Variants in NAV3 observed in about 807,000 individuals in gnomAD.
NAV3 encodes neuron navigator 3.
In NAV3, 87 loss-of-function variants were observed where a neutral mutation model predicts 244.7. That is an observed-to-expected ratio of 0.36 (90% CI 0.30 to 0.42). The LOEUF (loss-of-function observed/expected upper bound fraction) is 0.42, where lower values mean the gene tolerates loss of function less well. Among genes scored for constraint, NAV3 ranks in the 20% least tolerant of loss-of-function variants. The pLI, the probability that NAV3 is intolerant of heterozygous loss-of-function variation, is 1.00. For synonymous variants in NAV3, 1,126 were observed against 1,042.2 expected (o/e 1.08, Z -1.55); for missense variants, 2,663 against 2,893.3 (o/e 0.92, Z 1.83).
At chr12:77,799,490 T>C (rs1042121216) in intron 2 of NAV3, among the ~76,000 whole-genome samples, 1 of 152,198 alleles carries the variant, frequency 6.6e-6, no homozygotes, top group East Asian at 1.9e-4. Context: ...GTAGCTATGA[T>C]TGGTGATAAA....
At chr12:77,822,297 G>A (rs546690261) in intron 2 of NAV3, among the ~76,000 whole-genome samples, 9 of 152,220 alleles carry the variant, frequency 5.9e-5, no homozygotes, top group South Asian at 4.1e-4. Context: ...TTAAAAATCC[G>A]TTAGCTGTCT....
At chr12:77,748,568 G>A (rs576838100) in intron 2 of NAV3, among the ~76,000 whole-genome samples, 42 of 152,256 alleles carry the variant, frequency 2.8e-4, no homozygotes, top group Middle Eastern at 3.4e-3. Flanking sequence ...CCATGAATAA[G>A]AAAATCCTAA....
chr12:77,780,697 A>G (rs1870621751), intron 2 of NAV3, among the ~76,000 whole-genome samples: 1 of 152,176 alleles, frequency 6.6e-6, no homozygotes, highest in South Asian at 2.1e-4. Flanking sequence ...TTGCCTTACA[A>G]AAAGATGGTT....
intron 20 of NAV3, among the ~76,000 whole-genome samples, chr12:78,146,001 A>G (rs1956847878): frequency 6.6e-6 from 1 of 152,110 alleles, no homozygotes; most frequent in South Asian, 2.1e-4. Flanking sequence ...TGTATGAAAG[A>G]TACTTCAATA....
At chr12:77,819,279 C>A (rs537811421) in intron 2 of NAV3, among the ~76,000 whole-genome samples, 84 of 151,890 alleles carry the variant, frequency 5.5e-4, no homozygotes, top group Non-Finnish European at 1.0e-3. Context: ...TTTTTCTTCA[C>A]GTCTCAACTG....
intron 1 of NAV3, among the ~76,000 whole-genome samples, chr12:77,918,156 C>T (rs1294347604): frequency 1.3e-5 from 2 of 152,060 alleles, no homozygotes; most frequent in East Asian, 1.9e-4. Context: ...TGTGATATTA[C>T]ACTCTTCCCT....
At chr12:77,961,305 T>TATAATAA (rs373628818) in intron 3 of NAV3, among the ~76,000 whole-genome samples, 6 of 131,106 alleles carry the variant, frequency 4.6e-5, no homozygotes, top group Non-Finnish European at 9.6e-5. Flanking sequence ...CACATATGTA[T>TATAATAA]ATATTACACA....
intron 1 of NAV3, among the ~76,000 whole-genome samples, chr12:77,856,703 C>A (rs1341851483): frequency 6.6e-6 from 1 of 151,988 alleles, no homozygotes; most frequent in Non-Finnish European, 1.5e-5. Flanking sequence ...AAAATGTTAA[C>A]TTGAAAGGAG....
rs1356350751 is a variant in NAV3, at chr12:77,972,136, G to GT, written c.671+3435dup. 1.2e-4 allele frequency among the ~76,000 whole-genome samples: 19 copies of GT among 152,272 alleles called. 1 individual carries two copies. In the East Asian group the frequency reaches 3.5e-3, roughly 28 times the overall value. On this transcript the variant is annotated intron_variant, in intron 5 of 39. Transcript: ENST00000397909. Reference sequence around the variant, plus strand: ...CTCTCAGCTCCCTCTCCACCTTTGAGTGTATGTATCTATAGGTGCATGGGT... The same window carrying GT: ...CTCTCAGCTCCCTCTCCACCTTTGAGTTGTATGTATCTATAGGTGCATGGGT...
intron 12 of NAV3, among the ~76,000 whole-genome samples, chr12:78,110,356 A>G (rs1401289015): frequency 6.6e-6 from 1 of 152,108 alleles, no homozygotes; most frequent in Non-Finnish European, 1.5e-5. Flanking sequence ...AAATGACCAT[A>G]CTTCCCAAAG....
At chr12:77,824,240 A>ATTTTTTTTTT (rs1872869864) in intron 2 of NAV3, among the ~76,000 whole-genome samples, 4 of 117,542 alleles carry the variant, frequency 3.4e-5, no homozygotes, top group African/African-American at 1.5e-4. Flanking sequence ...CGCCCAACTA[A>ATTTTTTTTTT]ATTTTTTTTT....
intron 12 of NAV3, among the ~76,000 whole-genome samples, chr12:78,060,448 T>TATGTGGGTGTGG (rs1555271737): frequency 7.3e-5 from 11 of 151,348 alleles, no homozygotes; most frequent in African/African-American, 2.7e-4. Flanking sequence ...TATACTCTTG[T>TATGTGGGTGTGG]GTGTGGGTGT....
At chr12:77,766,294 A>G (rs562708474) in intron 2 of NAV3, among the ~76,000 whole-genome samples, 1 of 152,338 alleles carries the variant, frequency 6.6e-6, no homozygotes, top group Non-Finnish European at 1.5e-5. Context: ...AGTTCCTTTC[A>G]CACATGAACA....
intron 1 of NAV3, among the ~76,000 whole-genome samples, chr12:77,890,421 G>T (rs1883797624): frequency 6.6e-6 from 1 of 151,886 alleles, no homozygotes; most frequent in South Asian, 2.1e-4. Flanking sequence ...AGCCTCAGTT[G>T]AATTTTTTGA....
At chr12:77,656,143 A>G (rs1234002696) in intron 2 of NAV3, among the ~76,000 whole-genome samples, 1 of 150,754 alleles carries the variant, frequency 6.6e-6, no homozygotes, top group Non-Finnish European at 1.5e-5. Context: ...AAATGCTCCA[A>G]TTAAAAGACA....
intron 2 of NAV3, among the ~76,000 whole-genome samples, chr12:77,752,265 A>G (rs376976271): frequency 2.0e-5 from 3 of 152,250 alleles, no homozygotes; most frequent in East Asian, 3.9e-4. Context: ...AAAACATAAA[A>G]CATACTCTGT....
chr12:77,642,613 A>G (rs939218409), intron 2 of NAV3, among the ~76,000 whole-genome samples: 1 of 152,106 alleles, frequency 6.6e-6, no homozygotes, highest in African/African-American at 2.4e-5. Flanking sequence ...TTACAAATAG[A>G]TTGAATTACA....
intron 1 of NAV3, among the ~76,000 whole-genome samples, chr12:77,844,056 A>G (rs188607226): frequency 1.3e-5 from 2 of 152,306 alleles, no homozygotes; most frequent in East Asian, 3.9e-4. Flanking sequence ...TAAGTGAGTA[A>G]TGTTGCTTTA....
At chr12:78,079,508 A>T (rs1369937263) in intron 12 of NAV3, among the ~76,000 whole-genome samples, 1 of 152,198 alleles carries the variant, frequency 6.6e-6, no homozygotes, top group Non-Finnish European at 1.5e-5. Context: ...TCACAATCCC[A>T]AACCTACTTT....
Sources: allele counts gnomAD v4.1 joint callset (sites outside exome capture counted in the v4.1 genomes callset), GRCh38; gene constraint gnomAD v4.1.1; transcripts MANE v1.5; gene names NCBI Gene and HGNC (gene_info 2026-07-23, HGNC 2026-07-21).